PAN2: variants seen among roughly 807,000 people sequenced by gnomAD.
PAN2 encodes the protein PAN2-PAN3 deadenylation complex catalytic subunit PAN2.
A neutral mutation model predicts 133.3 loss-of-function variants in PAN2; 68 were observed. The observed-to-expected ratio is 0.51, with a 90% confidence interval of 0.42 to 0.62. The LOEUF is 0.62. PAN2 is among the 20% of genes least tolerant of loss of function. The pLI, the probability that PAN2 is intolerant of heterozygous loss-of-function variation, is 0.00. For missense variants in PAN2, 1,042 were observed against 1,500.5 expected, an observed-to-expected ratio of 0.69 and a Z score of 5.05; for synonymous variants, 462 against 544.6, an observed-to-expected ratio of 0.85 and a Z score of 2.11.
In PAN2 at chr12:56,323,517, A is replaced by G; in HGVS notation, c.2254T>C (p.Trp752Arg). The part of the protein sequence containing the change: ...EVNSSKEADF[W>R]RMQAEVAFKM... Reference sequence around the variant, plus strand: ...GTCCTTACCTCAGCCTGCATTCTCCAGAAATCAGCCTCTTTTGAGCTGTTC... The same window carrying G: ...GTCCTTACCTCAGCCTGCATTCTCCGGAAATCAGCCTCTTTTGAGCTGTTC... Residue 752 changes from tryptophan (W) to arginine (R), a missense_variant, in exon 15 of 26, where the codon TGG (tryptophan) becomes CGG (arginine). This residue lies in a region of PAN2 where 908 missense variants were observed against 1,223.5 expected (regional missense o/e 0.74). Coordinates refer to ENST00000440411, the MANE Select transcript of PAN2 (RefSeq NM_014871.6). 1 of 1,614,168 alleles carries G rather than the reference A, an allele frequency of 6.2e-7. No homozygotes were observed. The highest frequency in any genetic ancestry group is 2.2e-5 in the East Asian group (1 of 44,894).
In PAN2 at chr12:56,323,787, C is replaced by G. The variant is rs778918669; in HGVS notation, c.2172+20G>C. ...CCATGGCAGGACCAGGACTCTAGTC[C>G]AGTCCAACAGTCCACTCACCGTGGG... On this transcript the variant is annotated intron_variant, in intron 14 of 25. Coordinates refer to ENST00000440411, the MANE Select transcript of PAN2 (RefSeq NM_014871.6). 1 of 1,544,092 alleles carries G rather than the reference C, an allele frequency of 6.5e-7. No individual in the cohort carries two copies. The highest frequency in any genetic ancestry group is 1.7e-5 in the Admixed American group (1 of 59,972).
At position 56,320,034 on chromosome 12, in the gene PAN2, A is replaced by T. The variant is rs374675715; in HGVS notation, c.2789-13T>A. On this transcript the variant is annotated splice_polypyrimidine_tract_variant and intron_variant, in intron 20 of 25. Transcript: ENST00000440411. ...ATAGGGTTCTTGACTAGAAGGGAGAATGCAGAGGACACAGGGCTTGGATAG... is the reference window on the plus strand; with the variant it reads ...ATAGGGTTCTTGACTAGAAGGGAGATTGCAGAGGACACAGGGCTTGGATAG... 3.5e-5 allele frequency: 56 copies of T among 1,614,064 alleles called. No individual in the cohort carries two copies. The African/African-American group carries it at 6.7e-4, about 19-fold the overall frequency.
chr12:56,326,196 CA>C (rs1875102027), intron 8 of PAN2, 116 bp downstream of exon 8: 48 of 884,752 alleles, frequency 5.4e-5, no homozygotes, highest in Non-Finnish European at 7.0e-5. Flanking sequence ...AGCATAGTTC[CA>C]TCAATTTGGT....
Position 56,328,321 on chromosome 12 carries a change from T to G in PAN2, c.490A>C (p.Thr164Pro). The G allele has an allele frequency of 6.2e-7, 1 of 1,609,556 alleles. No homozygotes were observed. Among genetic ancestry groups the G allele is most frequent in the African/African-American group, 1.3e-5 (1 of 74,936 alleles). ...CCAACGAGTAGAGTGCTGCTGTCAG[T>G]CAGTAGGAGACTGTGCATATCCTCA... ...ENEDMHSLLL[T>P]DSSTLLVGGL... The change falls in exon 4 of 26, where the codon ACT becomes CCT. Residue 164 changes from threonine (T) to proline (P), a missense_variant. Transcript: ENST00000440411.
At position 56,326,792 on chromosome 12, in the gene PAN2, G is replaced by C. The variant is rs778553353; in HGVS notation, c.1087C>G (p.Pro363Ala). 1.9e-6 allele frequency: 3 copies of C among 1,614,212 alleles called. No homozygotes were observed. The highest frequency in any genetic ancestry group is 1.1e-5 in the South Asian group (1 of 91,080). The change falls in exon 7 of 26, where the codon CCT (proline) becomes GCT (alanine). Residue 363 changes from proline to alanine, a missense_variant. Around this residue, in one of 3 missense-constraint regions of PAN2, gnomAD observed 908 missense variants for 1,223.5 expected, o/e 0.74. Coordinates refer to ENST00000440411, the MANE Select transcript of PAN2 (RefSeq NM_014871.6). ...CVHLWTDSPE[P>A]SFNPYSRETE... ...TCACGGGAGTAGGGGTTGAAGGAAG[G>C]CTCCGGGGAATCAGTCCAGAGGTGC... is the stretch of plus-strand genomic sequence containing the variant.
At chr12:56,329,361 G>A (rs1875480055) in intron 2 of PAN2, among the ~76,000 whole-genome samples, 1 of 151,820 alleles carries the variant, frequency 6.6e-6, no homozygotes, top group South Asian at 2.1e-4. Flanking sequence ...TTGAGATGGA[G>A]TTTCACTCTT....
rs1235579952 is a variant in PAN2, at chr12:56,319,376, G to A, written c.3202C>T (p.Leu1068Phe). 6.2e-7 allele frequency: 1 copy of A among 1,614,218 alleles called. No individual in the cohort carries two copies. Among genetic ancestry groups the A allele is most frequent in the Admixed American group, 1.7e-5 (1 of 60,028 alleles). Reference sequence around the variant, plus strand: ...ACAAACTTGACTCCAATGTCAATGAGAAAACGAAGCTTTAAGTAGGTAGAC... The same window carrying A: ...ACAAACTTGACTCCAATGTCAATGAAAAAACGAAGCTTTAAGTAGGTAGAC... ...LKSTYLKLRF[L>F]IDIGVKFVGH... Residue 1068 changes from leucine to phenylalanine, a missense_variant, in exon 23 of 26, where the codon CTC becomes TTC. Leu to Phe is a conservative substitution (Grantham distance 22). Coordinates refer to ENST00000440411, the MANE Select transcript of PAN2 (RefSeq NM_014871.6). The surrounding 1 kb of genome is among the most constrained non-coding windows in gnomAD (Gnocchi z 5.4).
Position 56,323,168 on chromosome 12 carries a change from G to C in PAN2, c.2387C>G (p.Ser796Cys). The change falls in exon 17 of 26, where the codon TCC becomes TGC. Residue 796 changes from serine to cysteine, a missense_variant. Physicochemically the swap from Ser to Cys is moderately radical, Grantham distance 112. Coordinates refer to ENST00000440411, the MANE Select transcript of PAN2 (RefSeq NM_014871.6). Reference protein sequence around the residue: ...GSPEGVLVCPSIEELKNVWLP... With the variant: ...GSPEGVLVCPCIEELKNVWLP... ...CCAGACGTTCTTCAACTCCTCAATG[G>C]AGGGACACACCAGCACACCCTCTGG... The C allele has an allele frequency of 6.2e-7, 1 of 1,614,154 alleles. No homozygotes were observed. The highest frequency in any genetic ancestry group is 8.5e-7 in the Non-Finnish European group (1 of 1,180,036).
chr12:56,325,715 GCTTT>G (rs1445514316), intron 8 of PAN2, among the ~76,000 whole-genome samples: 6 of 152,242 alleles, frequency 3.9e-5, no homozygotes, highest in African/African-American at 1.4e-4. Context: ...GCAGAATGCT[GCTTT>G]CTGTGTATTA....
In PAN2 at chr12:56,328,407, A is replaced by C. The variant is rs371838420; in HGVS notation, c.453-49T>G. ...GGGGCCCAGGCCTTACAAGCTGCCAATCCCTTAGCCTTCCCACCCTATGAG... is the reference window on the plus strand; with the variant it reads ...GGGGCCCAGGCCTTACAAGCTGCCACTCCCTTAGCCTTCCCACCCTATGAG... On this transcript the variant is annotated intron_variant, in intron 3 of 25. Transcript: ENST00000440411. The C allele has an allele frequency of 4.4e-6, 7 of 1,599,944 alleles. No individual in the cohort carries two copies. In the South Asian group the frequency reaches 6.7e-5, roughly 15 times the overall value.
rs1874693073 is a variant in PAN2, at chr12:56,322,732, C to T, written c.2520G>A (p.Glu840=). The T allele has an allele frequency of 6.2e-7, 1 of 1,613,732 alleles. No individual in the cohort carries two copies. The highest frequency in any genetic ancestry group is 1.7e-5 in the Admixed American group (1 of 59,994). ...MQWGPARAEE[E]HGVYVYDLMA... ...TCAGGTCATACACATAGACACCATG[C>T]TCCTCCTCTGCCCTGGCTGGGCCCC... The change falls in exon 18 of 26, where the codon GAG becomes GAA. Residue 840 remains glutamate (E), a synonymous_variant. Transcript: ENST00000440411.
rs753904178 is a variant in PAN2, at chr12:56,328,269, A to G, written c.542T>C (p.Ile181Thr). The change falls in exon 4 of 26, where the codon ATT (isoleucine) becomes ACT (threonine). Residue 181 changes from isoleucine (I) to threonine (T), a missense_variant. Ile to Thr is a moderately conservative substitution (Grantham distance 89). Around this residue, in one of 3 missense-constraint regions of PAN2, gnomAD observed 908 missense variants for 1,223.5 expected, o/e 0.74. Coordinates refer to ENST00000440411, the MANE Select transcript of PAN2 (RefSeq NM_014871.6). ...VGGLQNHIIE[I>T]DLNTVQETQK... is the part of the protein sequence containing the mutation. ...AGTCTCCTGGACAGTGTTAAGATCA[A>G]TCTCTATTATGTGATTCTGCAGCCC... 3.7e-6 allele frequency: 6 copies of G among 1,606,798 alleles called. No homozygotes were observed. Among genetic ancestry groups the G allele is most frequent in the Non-Finnish European group, 5.1e-6 (6 of 1,176,060 alleles).
chr12:56,333,344 G>C (rs1876118722), intron 1 of PAN2, 136 bp from the exon 2 acceptor site: 1 of 539,178 alleles, frequency 1.9e-6, no homozygotes, highest in Non-Finnish European at 3.4e-6. Flanking sequence ...GAAGCAGGCG[G>C]GGGAGGGATG....
Position 56,332,224 on chromosome 12 carries a change from G to A in PAN2, c.282+589C>T, listed in dbSNP as rs899681836. 2.6e-5 allele frequency among the ~76,000 whole-genome samples: 4 copies of A among 152,178 alleles called. No individual in the cohort carries two copies. The East Asian group carries it at 7.7e-4, about 29-fold the overall frequency. ...AAACACAGGTGGGGCAACAGCAATT[G>A]AGATTAGATTTGGATGGCTACAGAC... On this transcript the variant is annotated intron_variant, in intron 2 of 25. Coordinates refer to ENST00000440411, the MANE Select transcript of PAN2 (RefSeq NM_014871.6).
chr12:56,325,305 C>T lies in PAN2; in HGVS notation c.1479+30G>A, dbSNP rs769801023. On this transcript the variant is annotated intron_variant, in intron 9 of 25. Transcript: ENST00000440411. ...TTCCTTCCCAGGGTACCTTTCCCCA[C>T]ATCCCACAGGCCCTGATGTCCCCCA... The T allele has an allele frequency of 2.5e-6, 4 of 1,612,756 alleles. No homozygotes were observed. In the Admixed American group the frequency reaches 5.0e-5, roughly 20 times the overall value.
Position 56,319,004 on chromosome 12 carries a change from G to T in PAN2, c.3364+84C>A. The T allele has an allele frequency of 7.6e-7, 1 of 1,311,356 alleles. No homozygotes were observed. Among genetic ancestry groups the T allele is most frequent in the Non-Finnish European group, 1.1e-6 (1 of 911,218 alleles). 81.2% of individuals were successfully genotyped at this position (1,311,356 alleles called of 1,614,324 possible). On this transcript the variant is annotated intron_variant, in intron 24 of 25. Coordinates refer to ENST00000440411, the MANE Select transcript of PAN2 (RefSeq NM_014871.6). This position sits in a 1 kb window ranked among gnomAD's most constrained non-coding sequence, Gnocchi z 5.4. Reference sequence around the variant, plus strand: ...GATGGCCCACAGCTCCATCCATGTTGCCGCAAAGAACATGATTTCTTTTTT... The same window carrying T: ...GATGGCCCACAGCTCCATCCATGTTTCCGCAAAGAACATGATTTCTTTTTT...
intron 17 of PAN2, 127 bp from the exon 18 acceptor site, chr12:56,322,885 C>T: frequency 8.0e-7 from 1 of 1,251,580 alleles, no homozygotes; most frequent in South Asian, 1.4e-5. Context: ...TCCATCCTAG[C>T]CCATCTAGGA....
chr12:56,327,247 C>T, intron 6 of PAN2, 117 bp downstream of exon 6: 1 of 1,140,606 alleles, frequency 8.8e-7, no homozygotes, highest in Non-Finnish European at 1.3e-6. Flanking sequence ...ACCTTGGGAC[C>T]CTGATGAAAG....
chr12:56,333,389 C>T, intron 1 of PAN2, 181 bp from the exon 2 acceptor site: 1 of 451,558 alleles, frequency 2.2e-6, no homozygotes, highest in Non-Finnish European at 4.1e-6. Flanking sequence ...ACTGTTGTCC[C>T]TATCCCTCCT....
Sources: allele counts gnomAD v4.1 joint callset (sites outside exome capture counted in the v4.1 genomes callset), GRCh38; gene constraint gnomAD v4.1.1; regional missense constraint gnomAD v4.1.1; non-coding constraint Gnocchi (gnomAD v3.1); transcripts MANE v1.5; gene names NCBI Gene and HGNC (gene_info 2026-07-23, HGNC 2026-07-21).